Variants in HAUS1 observed in about 807,000 individuals in gnomAD.
HAUS1 encodes HAUS augmin like complex subunit 1, also known as HAUS augmin-like complex subunit 1.
HAUS1 carries 25 observed loss-of-function variants against 38.6 expected under a neutral mutation model. That is an observed-to-expected ratio of 0.65 (90% CI 0.47 to 0.91). The LOEUF is 0.91. HAUS1 is among the 40% of genes least tolerant of loss of function. The probability of loss-of-function intolerance (pLI) is 0.00; values close to 1 mark genes in which losing one functional copy is unlikely to be tolerated. For missense variants in HAUS1, 325 were observed against 328.4 expected, an observed-to-expected ratio of 0.99 and a Z score of 0.08; for synonymous variants, 109 against 112.9, an observed-to-expected ratio of 0.97 and a Z score of 0.22.
chr18:46,123,136 G>A (rs534791581), intron 5 of HAUS1, 163 bp from the exon 6 acceptor site: 10 of 552,004 alleles, frequency 1.8e-5, no homozygotes, highest in South Asian at 4.3e-5. Context: ...ACATGAACCC[G>A]GGAGGCGGAG....
At chr18:46,114,710 C>A (rs8083916) in intron 2 of HAUS1, among the ~76,000 whole-genome samples, 36,066 of 151,984 alleles carry the variant, frequency 0.24, 5,660 homozygotes, top group African/African-American at 0.43. Flanking sequence ...GAAGGCCTTC[C>A]AGCTGGGAGC....
intron 2 of HAUS1, among the ~76,000 whole-genome samples, chr18:46,112,369 T>C (rs1236690979): frequency 9.4e-6 from 1 of 106,594 alleles, no homozygotes; most frequent in East Asian, 2.6e-4. Flanking sequence ...ATATAATGTG[T>C]ATATATATTC....
At chr18:46,122,432 G>A (rs1181506247) in intron 4 of HAUS1, 35 bp from the exon 5 acceptor site, 1 of 1,603,370 alleles carries the variant, frequency 6.2e-7, no homozygotes, top group Admixed American at 1.7e-5. Flanking sequence ...CTGAGAAGAA[G>A]AAGAAGAAAA....
At position 46,105,183 on chromosome 18, in the gene HAUS1, T is replaced by G; in HGVS notation, c.31-11T>G. On this transcript the variant is annotated splice_polypyrimidine_tract_variant and intron_variant, in intron 1 of 8. Coordinates refer to ENST00000282058, the MANE Select transcript of HAUS1 (RefSeq NM_138443.4). ...AAGGCTTATAATATTTGTCTTTCTTTTAATGGTTAGGTTGCTGCGTGGTTA... is the reference window on the plus strand; with the variant it reads ...AAGGCTTATAATATTTGTCTTTCTTGTAATGGTTAGGTTGCTGCGTGGTTA... 1 of 1,594,398 alleles carries G rather than the reference T, an allele frequency of 6.3e-7. No individual in the cohort carries two copies. Among genetic ancestry groups the G allele is most frequent in the Admixed American group, 1.7e-5 (1 of 58,762 alleles).
chr18:46,116,402 A>G (rs1377198661), intron 2 of HAUS1, among the ~76,000 whole-genome samples: 1 of 151,636 alleles, frequency 6.6e-6, no homozygotes, highest in African/African-American at 2.4e-5. Flanking sequence ...TCTCTAAAAA[A>G]TTACCAAAAT....
intron 2 of HAUS1, 124 bp from the exon 3 acceptor site, chr18:46,118,057 G>T: frequency 1.2e-6 from 1 of 822,884 alleles, no homozygotes. Flanking sequence ...ACAACTAAAA[G>T]CCACTGAATT....
At chr18:46,123,416 C>A in intron 6 of HAUS1, 52 bp downstream of exon 6, 1 of 1,211,058 alleles carries the variant, frequency 8.3e-7, no homozygotes, top group Non-Finnish European at 1.2e-6. Context: ...ACTCCACAGT[C>A]TGCTTTTTCA....
intron 2 of HAUS1, among the ~76,000 whole-genome samples, chr18:46,116,805 G>A (rs1300255225): frequency 6.6e-6 from 1 of 151,894 alleles, no homozygotes; most frequent in East Asian, 1.9e-4. Flanking sequence ...TTGAGTCCAG[G>A]AGTTCAAGAC....
chr18:46,123,218 A>G, intron 5 of HAUS1, 81 bp from the exon 6 acceptor site: 1 of 1,003,436 alleles, frequency 1.0e-6, no homozygotes, highest in African/African-American at 1.6e-5. Context: ...CTCAAAAAAA[A>G]AAGAAGAAAA....
intron 6 of HAUS1, among the ~76,000 whole-genome samples, chr18:46,124,139 G>A (rs943002870): frequency 6.6e-6 from 1 of 152,130 alleles, no homozygotes; most frequent in Admixed American, 6.6e-5. Flanking sequence ...GCCAGGCATG[G>A]TGGCTCACAC....
chr18:46,127,549 C>A (rs1912142326), intron 8 of HAUS1, among the ~76,000 whole-genome samples: 1 of 151,190 alleles, frequency 6.6e-6, no homozygotes, highest in South Asian at 2.1e-4. Flanking sequence ...ACTAAAAATA[C>A]AAAAAAAATT....
At chr18:46,106,496 G>T (rs191419661) in intron 2 of HAUS1, among the ~76,000 whole-genome samples, 1 of 151,100 alleles carries the variant, frequency 6.6e-6, no homozygotes, top group Non-Finnish European at 1.5e-5. Flanking sequence ...AAAAGAAAAA[G>T]TGCATTCAAG....
rs34707743 is a variant in HAUS1 at position 46,122,305 on chromosome 18, T to TAA, written c.477-149_477-148dup. On this transcript the variant is annotated intron_variant, in intron 4 of 8. Transcript: ENST00000282058. ...GGTGACAGACCAAGACCTCATCTCT[T>TAA]AAAAAAAAAAAAAACCCAGAGTGCA... is the stretch of plus-strand genomic sequence containing the variant. Among the ~76,000 whole-genome samples, 766 of 140,370 alleles carry TAA rather than the reference T, an allele frequency of 5.5e-3. 4 individuals carry two copies. The highest frequency in any genetic ancestry group is 8.5e-3 in the Non-Finnish European group (540 of 63,854). The allele number at this position is 140,370 out of a possible 152,430, so 92.1% of individuals were successfully genotyped here.
intron 8 of HAUS1, chr18:46,126,035 G>A: frequency 3.7e-6 from 1 of 268,804 alleles, no homozygotes; most frequent in Non-Finnish European, 7.0e-6. Flanking sequence ...CCAGCACTTT[G>A]GGAGGCCAAG....
chr18:46,114,640 C>T (rs1370178591), intron 2 of HAUS1, among the ~76,000 whole-genome samples: 1 of 152,148 alleles, frequency 6.6e-6, no homozygotes, highest in Non-Finnish European at 1.5e-5. Flanking sequence ...GGGACTTGGA[C>T]GCAGTAGCAG....
intron 3 of HAUS1, chr18:46,118,580 C>T (rs894237431): frequency 6.4e-5 from 21 of 325,720 alleles, no homozygotes; most frequent in Non-Finnish European, 1.0e-4. Context: ...CACATTGTTC[C>T]CTGTGTATAA....
intron 3 of HAUS1, 37 bp downstream of exon 3, chr18:46,118,353 T>C (rs1257762005): frequency 6.2e-7 from 1 of 1,604,596 alleles, no homozygotes; most frequent in East Asian, 2.2e-5. Flanking sequence ...CGCAATCATA[T>C]CTGCTATAAG....
chr18:46,122,559 A>G lies in HAUS1; in HGVS notation c.569A>G (p.Glu190Gly), dbSNP rs773110550. The change falls in exon 5 of 9, where the codon GAG (glutamate) becomes GGG (glycine). Residue 190 changes from glutamate to glycine, a missense_variant. Transcript: ENST00000282058. ...ATGGACTTTCTAAAAGCAAAGTCAG[A>G]GGAATTCAGATTTGGAATCAAGGCT... ...QNMDFLKAKS[E>G]EFRFGIKAAE... is the part of the protein sequence containing the mutation. 3.1e-6 allele frequency: 5 copies of G among 1,614,042 alleles called. No homozygotes were observed. The highest frequency in any genetic ancestry group is 3.3e-5 in the Admixed American group (2 of 59,994).
chr18:46,127,190 T>TC (rs1416344658), intron 8 of HAUS1, among the ~76,000 whole-genome samples: 10 of 151,752 alleles, frequency 6.6e-5, no homozygotes, highest in Non-Finnish European at 1.5e-4. Flanking sequence ...CAGGCTGGTC[T>TC]CCAACTCCTG....
Sources: allele counts gnomAD v4.1 joint callset (sites outside exome capture counted in the v4.1 genomes callset), GRCh38; gene constraint gnomAD v4.1.1; transcripts MANE v1.5; gene names NCBI Gene and HGNC (gene_info 2026-07-23, HGNC 2026-07-21).